The following DPYSL2 variants were observed in gnomAD, a reference collection of about 807,000 sequenced individuals.
The protein encoded by DPYSL2 is dihydropyrimidinase-related protein 2.
A neutral mutation model predicts 69.9 loss-of-function variants in DPYSL2; 13 were observed. The ratio of observed to expected loss-of-function variants is 0.19; its 90% CI spans 0.12 to 0.30. The LOEUF is 0.30. Ranked by LOEUF, DPYSL2 falls within the 10% of genes least tolerant of loss-of-function variation. The pLI is 1.00. For missense variants in DPYSL2, 587 were observed against 918.9 expected (o/e 0.64, Z 4.67); for synonymous variants, 326 against 359.1 (o/e 0.91, Z 1.04).
At chr8:26,524,544 T>C (rs924185162) in intron 1 of DPYSL2, among the ~76,000 whole-genome samples, 6 of 152,040 alleles carry the variant, frequency 3.9e-5, no homozygotes, top group African/African-American at 1.4e-4. Flanking sequence ...ATGCCTGTAA[T>C]CTCAGCACTT....
rs951888776 is a variant in DPYSL2, at chr8:26,650,087, G to A, written c.1597-2170G>A. Among the ~76,000 whole-genome samples the A allele has an allele frequency of 6.6e-6, 1 of 152,212 alleles. No individual in the cohort carries two copies. The highest frequency in any genetic ancestry group is 2.4e-5 in the African/African-American group (1 of 41,452). On this transcript the variant is annotated intron_variant, in intron 11 of 13. Transcript: ENST00000521913. The surrounding 1 kb of genome is among the most constrained non-coding windows in gnomAD (Gnocchi z 5.3). ...ATAAAGAGCCAGACAGTGAATGAGT[G>A]AAGATTTTCTAAATGCCTACTGTGA...
chr8:26,514,498 G>T lies in DPYSL2; in HGVS notation c.173G>T (p.Gly58Val), dbSNP rs1441546442. The T allele has an allele frequency of 1.3e-6, 2 of 1,529,188 alleles. No homozygotes were observed. Among genetic ancestry groups the T allele is most frequent in the African/African-American group, 2.8e-5 (2 of 72,338 alleles). The allele number at this position is 1,529,188 out of a possible 1,614,324, so 94.7% of individuals were successfully genotyped here. A position where few individuals can be genotyped will look rare whatever the true frequency, so the allele number is the denominator to read the frequency against. The change falls in exon 1 of 14, where the codon GGC becomes GTC. Residue 58 changes from glycine (G) to valine (V), a missense_variant. Around this residue, in one of 3 missense-constraint regions of DPYSL2, gnomAD observed 50 missense variants for 86.8 expected, o/e 0.58. Transcript: ENST00000521913. This position sits in a 1 kb window ranked among gnomAD's most constrained non-coding sequence, Gnocchi z 8.4. ...ATCGACTTCGACTCGCTGTCGGTGG[G>T]CCGGGGCTCGGGGCAGGTGGTGGCT... ...KTIDFDSLSV[G>V]RGSGQVVAQQ...
intron 1 of DPYSL2, among the ~76,000 whole-genome samples, chr8:26,569,633 TACTC>T (rs1340175861): frequency 2.0e-5 from 3 of 152,148 alleles, no homozygotes; most frequent in Non-Finnish European, 4.4e-5. Flanking sequence ...AGACTGGAAA[TACTC>T]AAGTAAACAA....
Position 26,593,488 on chromosome 8 carries a change from G to A in DPYSL2, c.628+9505G>A, listed in dbSNP as rs1801787440. Among the ~76,000 whole-genome samples the A allele has an allele frequency of 6.6e-6, 1 of 152,296 alleles. No individual in the cohort carries two copies. The highest frequency in any genetic ancestry group is 1.9e-4 in the East Asian group (1 of 5,182). ...TGCCCTCTGCTCCCTGCTTTGTCCTGTCCTCTTCACGAAGGGAGTGGGATC... is the reference window on the plus strand; with the variant it reads ...TGCCCTCTGCTCCCTGCTTTGTCCTATCCTCTTCACGAAGGGAGTGGGATC... On this transcript the variant is annotated intron_variant, in intron 3 of 13. Transcript: ENST00000521913. The surrounding 1 kb of genome is among the most constrained non-coding windows in gnomAD (Gnocchi z 5.7).
chr8:26,530,832 T>C (rs541172121), intron 1 of DPYSL2, among the ~76,000 whole-genome samples: 8 of 152,304 alleles, frequency 5.3e-5, no homozygotes, highest in African/African-American at 1.9e-4. Context: ...ATCTGCTACC[T>C]CCTTTGCAAA....
At chr8:26,613,857 C>G (rs1263235023) in intron 3 of DPYSL2, among the ~76,000 whole-genome samples, 24 of 152,136 alleles carry the variant, frequency 1.6e-4, no homozygotes, top group Admixed American at 1.6e-3. Flanking sequence ...GCGGGTGGGG[C>G]ATGGTAGCTC....
rs1448513924 is a variant in DPYSL2 at position 26,656,108 on chromosome 8, T to G, written c.*402T>G. The G allele has an allele frequency of 6.0e-6, 1 of 167,426 alleles. No individual in the cohort carries two copies. The highest frequency in any genetic ancestry group is 2.4e-5 in the African/African-American group (1 of 42,150). 10.4% of individuals were successfully genotyped at this position (167,426 alleles called of 1,614,324 possible). Reference sequence around the variant, plus strand: ...GAATTGCCCAGAGCTGCCTTTTTCTTTTCTTTTTAAAAATTTTAAGAAGTT... The same window carrying G: ...GAATTGCCCAGAGCTGCCTTTTTCTGTTCTTTTTAAAAATTTTAAGAAGTT... On this transcript the variant is annotated 3_prime_UTR_variant, in exon 14 of 14. Transcript: ENST00000521913.
intron 1 of DPYSL2, among the ~76,000 whole-genome samples, chr8:26,530,113 C>CAAAAAAAAAAAAAA (rs34448431): frequency 4.2e-5 from 3 of 72,034 alleles, no homozygotes; most frequent in Non-Finnish European, 7.3e-5. Flanking sequence ...ACTCCGTCTC[C>CAAAAAAAAAAAAAA]AAAAAAAAAA....
intron 8 of DPYSL2, among the ~76,000 whole-genome samples, chr8:26,635,587 GAGTTCTCTCCTCGTACAGA>G (rs1271493001): frequency 6.6e-6 from 1 of 152,142 alleles, no homozygotes; most frequent in Non-Finnish European, 1.5e-5. Flanking sequence ...TTATGCTTGG[GAGTTCTCTCCTCGTACAGA>G]AAGCCTGAGG....
At position 26,605,127 on chromosome 8, in the gene DPYSL2, G is replaced by A. The variant is rs1377069126; in HGVS notation, c.629-19016G>A. On this transcript the variant is annotated intron_variant, in intron 3 of 13. Transcript: ENST00000521913. This position sits in a 1 kb window ranked among gnomAD's most constrained non-coding sequence, Gnocchi z 4.1. Reference sequence around the variant, plus strand: ...CATTTAACATCAGGTCCCTGGCCATGGGACTTGGGCAGGAGCACCAGGGCT... The same window carrying A: ...CATTTAACATCAGGTCCCTGGCCATAGGACTTGGGCAGGAGCACCAGGGCT... Among the ~76,000 whole-genome samples the A allele has an allele frequency of 6.6e-6, 1 of 152,146 alleles. No individual in the cohort carries two copies. Among genetic ancestry groups the A allele is most frequent in the African/African-American group, 2.4e-5 (1 of 41,422 alleles).
At chr8:26,576,542 T>C (rs975451259) in intron 1 of DPYSL2, among the ~76,000 whole-genome samples, 5 of 152,160 alleles carry the variant, frequency 3.3e-5, no homozygotes, top group Non-Finnish European at 7.3e-5. Context: ...GATCAGCGTT[T>C]TTCTTTCCCA....
At chr8:26,515,567 A>T (rs1185539671) in intron 1 of DPYSL2, among the ~76,000 whole-genome samples, 1 of 152,248 alleles carries the variant, frequency 6.6e-6, no homozygotes, top group African/African-American at 2.4e-5. Flanking sequence ...GCTTGATTTT[A>T]GAAAATGTTT....
At chr8:26,583,705 G>T in intron 2 of DPYSL2, 94 bp from the exon 3 acceptor site, 1 of 1,166,408 alleles carries the variant, frequency 8.6e-7, no homozygotes, top group Non-Finnish European at 1.2e-6. Flanking sequence ...GGCACAGAGC[G>T]GAGGATAGTT....
At chr8:26,540,400 A>T (rs188081436) in intron 1 of DPYSL2, among the ~76,000 whole-genome samples, 1 of 152,304 alleles carries the variant, frequency 6.6e-6, no homozygotes, top group African/African-American at 2.4e-5. Flanking sequence ...CACATATTAT[A>T]AGAGTTCTAG....
In DPYSL2 at chr8:26,627,259, C is replaced by G; in HGVS notation, c.900C>G (p.Ala300=). The change falls in exon 6 of 14, where the codon GCC becomes GCG. Residue 300 remains alanine (A), a synonymous_variant. Transcript: ENST00000521913. This position sits in a 1 kb window ranked among gnomAD's most constrained non-coding sequence, Gnocchi z 6.9. ...LSVIRDIGAI[A]QVHAENGDII... ...TGATCCGGGATATTGGCGCCATAGC[C>G]CAAGTCCACGCAGAAAATGGCGACA... is the stretch of plus-strand genomic sequence containing the variant. 1 of 1,614,152 alleles carries G rather than the reference C, an allele frequency of 6.2e-7. No homozygotes were observed. Among genetic ancestry groups the G allele is most frequent in the Non-Finnish European group, 8.5e-7 (1 of 1,180,036 alleles).
Position 26,627,803 on chromosome 8 carries a change from G to C in DPYSL2, c.937-69G>C. On this transcript the variant is annotated intron_variant, in intron 6 of 13. Transcript: ENST00000521913. The surrounding 1 kb of genome is among the most constrained non-coding windows in gnomAD (Gnocchi z 6.9). ...ATCTTGCCCGGATAACTGCATGCCC[G>C]GGCCTCTGCCATCAGAGCTGTGCAA... 2.0e-6 allele frequency: 3 copies of C among 1,500,818 alleles called. No individual in the cohort carries two copies. The highest frequency in any genetic ancestry group is 2.8e-6 in the Non-Finnish European group (3 of 1,090,818). 93.0% of individuals were successfully genotyped at this position (1,500,818 alleles called of 1,614,324 possible). A position where few individuals can be genotyped will look rare whatever the true frequency, so the allele number is the denominator to read the frequency against.
intron 1 of DPYSL2, among the ~76,000 whole-genome samples, chr8:26,569,691 G>A (rs1269042553): frequency 6.6e-6 from 1 of 152,182 alleles, no homozygotes; most frequent in Non-Finnish European, 1.5e-5. Context: ...CTATTAAAGA[G>A]ATAGTGCTGA....
rs1489950000 is a variant in DPYSL2, at chr8:26,591,858, C to T, written c.628+7875C>T. 4.6e-5 allele frequency among the ~76,000 whole-genome samples: 7 copies of T among 152,142 alleles called. No homozygotes were observed. The highest frequency in any genetic ancestry group is 8.8e-5 in the Non-Finnish European group (6 of 68,024). The stretch of plus-strand genomic sequence containing the variant: ...TCCTGGCACTGCCTCCCCCTCTGCC[C>T]ACCTCCCCTGCAAAGCTTGCAATGC... On this transcript the variant is annotated intron_variant, in intron 3 of 13. Transcript: ENST00000521913. This position sits in a 1 kb window ranked among gnomAD's most constrained non-coding sequence, Gnocchi z 5.8.
At chr8:26,577,917 A>T (rs2129715049) in intron 1 of DPYSL2, 1 of 1,157,980 alleles carries the variant, frequency 8.6e-7, no homozygotes, top group African/African-American at 1.7e-5. Context: ...CGCATGCGCC[A>T]CGGTGGCCGA....
Sources: allele counts gnomAD v4.1 joint callset (sites outside exome capture counted in the v4.1 genomes callset), GRCh38; gene constraint gnomAD v4.1.1; regional missense constraint gnomAD v4.1.1; non-coding constraint Gnocchi (gnomAD v3.1); transcripts MANE v1.5; gene names NCBI Gene and HGNC (gene_info 2026-07-23, HGNC 2026-07-21).